The following CCDC63 variants were observed in gnomAD, a reference collection of about 807,000 sequenced individuals.
The protein encoded by CCDC63 is coiled-coil domain containing 63.
In CCDC63, 54 loss-of-function variants were observed where a neutral mutation model predicts 63.6. The observed-to-expected ratio is 0.85, with a 90% CI of 0.68 to 1.07. The LOEUF (loss-of-function observed/expected upper bound fraction) is 1.07, where lower values mean the gene tolerates loss of function less well. Ranked by LOEUF, CCDC63 falls within the 50% of genes least tolerant of loss-of-function variation. CCDC63 has a pLI of 0.00. For synonymous variants in CCDC63, 253 were observed against 266.1 expected (o/e 0.95, Z 0.48); for missense variants, 637 against 689.6 (o/e 0.92, Z 0.86).
rs1484928235 is a variant in CCDC63, at chr12:110,881,188, A to T, written c.745A>T (p.Ile249Phe). ...GGACACCTCTCAGTACAACCTGGAGATCCGAGAGCTGGAGCGTCTCTATGC... is the reference window on the plus strand; with the variant it reads ...GGACACCTCTCAGTACAACCTGGAGTTCCGAGAGCTGGAGCGTCTCTATGC... ...KKDTSQYNLE[I>F]RELERLYAHE... is the part of the protein sequence containing the mutation. The change falls in exon 7 of 12, where the codon ATC becomes TTC. Residue 249 changes from isoleucine (I) to phenylalanine (F), a missense_variant. Ile to Phe is a conservative substitution (Grantham distance 21, BLOSUM62 0). Coordinates refer to ENST00000308208, the MANE Select transcript of CCDC63 (RefSeq NM_152591.3). 1 of 1,613,634 alleles carries T rather than the reference A, an allele frequency of 6.2e-7. No homozygotes were observed. Among genetic ancestry groups the T allele is most frequent in the Non-Finnish European group, 8.5e-7 (1 of 1,179,966 alleles).
rs1391717786 is a variant in CCDC63 at position 110,847,041 on chromosome 12, G to C, written c.-161G>C. 1.3e-5 allele frequency: 2 copies of C among 152,200 alleles called. No homozygotes were observed. The highest frequency in any genetic ancestry group is 4.8e-5 in the African/African-American group (2 of 41,450). The allele number at this position is 152,200 out of a possible 1,614,324, so 9.4% of individuals were successfully genotyped here. On this transcript the variant is annotated 5_prime_UTR_variant, in exon 1 of 12. Coordinates refer to ENST00000308208, the MANE Select transcript of CCDC63 (RefSeq NM_152591.3). ...TCCTCCCGGCACCGTCGGAAGCGCA[G>C]TTGCAGCAGCCGTCGGACAAGCGGC...
chr12:110,862,167 A>G (rs1045880121), intron 4 of CCDC63, among the ~76,000 whole-genome samples: 2 of 152,230 alleles, frequency 1.3e-5, no homozygotes, highest in Admixed American at 6.5e-5. Flanking sequence ...GAAAAATTGA[A>G]GAGGAGCTGG....
Position 110,889,820 on chromosome 12 carries a change from C to T in CCDC63, c.1075-3256C>T, listed in dbSNP as rs892092588. Among the ~76,000 whole-genome samples, 4 of 152,154 alleles carry T rather than the reference C, an allele frequency of 2.6e-5. No homozygotes were observed. Among genetic ancestry groups the T allele is most frequent in the South Asian group, 2.1e-4 (1 of 4,818 alleles). On this transcript the variant is annotated intron_variant, in intron 8 of 11. Transcript: ENST00000308208. This position sits in a 1 kb window ranked among gnomAD's most constrained non-coding sequence, Gnocchi z 4.1. Reference sequence around the variant, plus strand: ...TCATCTTTTTGGTAGAGATCCCCCACCCCACCCCTGCCCTGTAAAGATCGG... The same window carrying T: ...TCATCTTTTTGGTAGAGATCCCCCATCCCACCCCTGCCCTGTAAAGATCGG...
intron 8 of CCDC63, among the ~76,000 whole-genome samples, chr12:110,886,311 G>C (rs899708352): frequency 6.6e-6 from 1 of 152,124 alleles, no homozygotes; most frequent in Non-Finnish European, 1.5e-5. Context: ...CTTTGAACCC[G>C]GGAGGTGGAG....
intron 9 of CCDC63, among the ~76,000 whole-genome samples, chr12:110,897,732 GTT>G (rs1208926440): frequency 9.1e-5 from 11 of 121,232 alleles, no homozygotes; most frequent in African/African-American, 9.2e-5. Flanking sequence ...GGACCACCTT[GTT>G]TTTTTTTTTT....
At chr12:110,900,256 C>T (rs561329005) in intron 10 of CCDC63, among the ~76,000 whole-genome samples, 4 of 151,166 alleles carry the variant, frequency 2.6e-5, no homozygotes, top group South Asian at 4.1e-4. Flanking sequence ...AAAACTACAG[C>T]GAATCTTATC....
chr12:110,868,151 G>A lies in CCDC63; in HGVS notation c.370-5691G>A, dbSNP rs1238014035. On this transcript the variant is annotated intron_variant, in intron 4 of 11. Coordinates refer to ENST00000308208, the MANE Select transcript of CCDC63 (RefSeq NM_152591.3). ...AGACGATGGGCGGCCGGGCAGAGAC[G>A]CTCCTCACTTCCTAGATGTGATGGC... Among the ~76,000 whole-genome samples, 69 of 148,634 alleles carry A rather than the reference G, an allele frequency of 4.6e-4. 1 individual carries two copies. Among genetic ancestry groups the A allele is most frequent in the Admixed American group, 2.8e-3 (42 of 15,010 alleles).
chr12:110,884,964 G>A (rs1403540166), intron 8 of CCDC63, among the ~76,000 whole-genome samples: 1 of 150,996 alleles, frequency 6.6e-6, no homozygotes, highest in African/African-American at 2.4e-5. Context: ...CTCCCAAAGT[G>A]CTGGGATTAT....
At position 110,871,485 on chromosome 12, in the gene CCDC63, T is replaced by TCCTA. The variant is rs2071066106; in HGVS notation, c.370-2354_370-2353insACCT. ...TTATCACTCCCAAAAACCATAACAC[T>TCCTA]CCTTCCTTCCTTCCTTCCTTTCTTT... On this transcript the variant is annotated intron_variant, in intron 4 of 11. Coordinates refer to ENST00000308208, the MANE Select transcript of CCDC63 (RefSeq NM_152591.3). Among the ~76,000 whole-genome samples the TCCTA allele has an allele frequency of 3.3e-5, 3 of 90,492 alleles. No homozygotes were observed. In the Admixed American group the frequency reaches 3.6e-4, roughly 11 times the overall value. 59.4% of individuals were successfully genotyped at this position (90,492 alleles called of 152,430 possible). A position where few individuals can be genotyped will look rare whatever the true frequency, so the allele number is the denominator to read the frequency against.
chr12:110,903,822 A>G (rs2071522137), intron 10 of CCDC63, among the ~76,000 whole-genome samples: 1 of 151,792 alleles, frequency 6.6e-6, no homozygotes, highest in Admixed American at 6.6e-5. Context: ...CAGAAGGAAC[A>G]GCATAAGCAA....
At chr12:110,867,053 A>C (rs1476124350) in intron 4 of CCDC63, among the ~76,000 whole-genome samples, 3 of 102,632 alleles carry the variant, frequency 2.9e-5, no homozygotes, top group Non-Finnish European at 3.9e-5. Flanking sequence ...GGGGCTCCTC[A>C]CCTCCCAGTA....
intron 8 of CCDC63, among the ~76,000 whole-genome samples, chr12:110,887,679 C>A (rs1236560310): frequency 6.6e-6 from 1 of 151,808 alleles, no homozygotes; most frequent in Non-Finnish European, 1.5e-5. Context: ...CTGACTTCAC[C>A]CCTCCCTAGA....
At chr12:110,863,609 C>T (rs554774237) in intron 4 of CCDC63, among the ~76,000 whole-genome samples, 3 of 150,758 alleles carry the variant, frequency 2.0e-5, no homozygotes, top group African/African-American at 7.3e-5. Flanking sequence ...GGCACAATCT[C>T]GGCTCACTGC....
In CCDC63 at chr12:110,899,100, T is replaced by C. The variant is rs1467064256; in HGVS notation, c.1317T>C (p.Thr439=). The stretch of plus-strand genomic sequence containing the variant: ...AGTTAGGGGAGACGGGGAAAGTCAC[T>C]GACATCAACCTTCCGCAGTATTTTG... ...LVQLGETGKV[T]DINLPQYFAI... Residue 439 remains threonine, a synonymous_variant, in exon 10 of 12, where the codon ACT becomes ACC. Transcript: ENST00000308208. 6.2e-7 allele frequency: 1 copy of C among 1,612,994 alleles called. No homozygotes were observed. Among genetic ancestry groups the C allele is most frequent in the East Asian group, 2.2e-5 (1 of 44,838 alleles).
chr12:110,884,103 G>A lies in CCDC63; in HGVS notation c.927G>A (p.Arg309=). The A allele has an allele frequency of 1.2e-6, 2 of 1,614,146 alleles. No individual in the cohort carries two copies. Among genetic ancestry groups the A allele is most frequent in the Non-Finnish European group, 1.7e-6 (2 of 1,180,018 alleles). The change falls in exon 8 of 12, where the codon CGG becomes CGA. Residue 309 remains arginine (R), a synonymous_variant. Transcript: ENST00000308208. ...SFESYEVAHL[R]LLKLAESGNL... ...AGAGCTATGAGGTGGCCCACCTCCGGCTGCTGAAGCTGGCTGAGAGTGGGA... is the reference window on the plus strand; with the variant it reads ...AGAGCTATGAGGTGGCCCACCTCCGACTGCTGAAGCTGGCTGAGAGTGGGA...
At chr12:110,885,785 T>C (rs941588882) in intron 8 of CCDC63, among the ~76,000 whole-genome samples, 1 of 152,220 alleles carries the variant, frequency 6.6e-6, no homozygotes, top group Non-Finnish European at 1.5e-5. Flanking sequence ...ATGTCACTGT[T>C]TCCCAAATGT....
Position 110,889,747 on chromosome 12 carries a change from T to G in CCDC63, c.1075-3329T>G, listed in dbSNP as rs1042442613. 6.6e-6 allele frequency among the ~76,000 whole-genome samples: 1 copy of G among 152,154 alleles called. No individual in the cohort carries two copies. The highest frequency in any genetic ancestry group is 1.5e-5 in the Non-Finnish European group (1 of 68,026). On this transcript the variant is annotated intron_variant, in intron 8 of 11. Transcript: ENST00000308208. The surrounding 1 kb of genome is among the most constrained non-coding windows in gnomAD (Gnocchi z 4.1). ...CAGGTTATTGATGCAATTTGCAAAA[T>G]AGTAAAAAGTCTCAATGTGAATCCC...
chr12:110,867,443 T>A (rs1299440587), intron 4 of CCDC63, among the ~76,000 whole-genome samples: 35 of 86,048 alleles, frequency 4.1e-4, no homozygotes, highest in African/African-American at 5.2e-4. Flanking sequence ...CTGGCCGGGC[T>A]GAGGGGCTCC....
At chr12:110,861,115 G>C (rs184740053) in intron 4 of CCDC63, among the ~76,000 whole-genome samples, 12 of 151,888 alleles carry the variant, frequency 7.9e-5, no homozygotes, top group African/African-American at 2.9e-4. Flanking sequence ...TTTCACTATC[G>C]CCAAGACAAT....
Sources: gnomAD v4.1 joint callset for allele counts (sites outside exome capture counted in the v4.1 genomes callset) on GRCh38, gnomAD v4.1.1 for gene constraint, Gnocchi (gnomAD v3.1) non-coding constraint, MANE v1.5 for transcripts, NCBI Gene and HGNC (gene_info 2026-07-23, HGNC 2026-07-21) for gene names.